The following KIF26B variants were observed in gnomAD, a reference collection of about 807,000 sequenced individuals.
KIF26B encodes kinesin family member 26B, also known as kinesin-like protein KIF26B.
A neutral mutation model predicts 151.2 loss-of-function variants in KIF26B; 63 were observed. The observed-to-expected ratio is 0.42, with a 90% CI of 0.34 to 0.51. The LOEUF is 0.51. Ranked by LOEUF, KIF26B falls within the 20% of genes least tolerant of loss-of-function variation. The pLI is 0.07. For synonymous variants in KIF26B, 1,357 were observed against 1,262.1 expected, an observed-to-expected ratio of 1.08 and a Z score of -1.59; for missense variants, 2,813 against 2,913.6, an observed-to-expected ratio of 0.97 and a Z score of 0.79.
intron 5 of KIF26B, among the ~76,000 whole-genome samples, chr1:245,561,892 A>G (rs1275041266): frequency 6.6e-6 from 1 of 152,220 alleles, no homozygotes; most frequent in Admixed American, 6.5e-5. Context: ...CGTAAATGTC[A>G]GAGGTGGTCC....
At chr1:245,481,918 AC>A (rs1390399443) in intron 4 of KIF26B, among the ~76,000 whole-genome samples, 1 of 151,602 alleles carries the variant, frequency 6.6e-6, no homozygotes, top group African/African-American at 2.4e-5. Flanking sequence ...GCAGCGTCTA[AC>A]CGATAGGGAC....
chr1:245,260,710 G>A (rs1670619612), intron 2 of KIF26B, among the ~76,000 whole-genome samples: 1 of 152,146 alleles, frequency 6.6e-6, no homozygotes, highest in Admixed American at 6.5e-5. Context: ...TGTCATGCTG[G>A]CATCTGTGTC....
intron 5 of KIF26B, among the ~76,000 whole-genome samples, chr1:245,584,125 C>T (rs1418413158): frequency 1.3e-5 from 2 of 152,198 alleles, no homozygotes; most frequent in Non-Finnish European, 2.9e-5. Context: ...GTGCCATCCT[C>T]ATGATAGTGA....
rs369190203 is a variant in KIF26B, at chr1:245,686,046, A to C, written c.3063A>C (p.Ser1021=). ...CCGCCCACAGCCCCAGCCCGGCCTC[A>C]CCCAGGAGCGTCCCGGGCAGCAGTA... is the stretch of plus-strand genomic sequence containing the variant. The part of the protein sequence containing the change: ...AAPAHSPSPA[S]PRSVPGSSSQ... Residue 1021 remains serine, a synonymous_variant, in exon 12 of 15, where the codon TCA becomes TCC. Coordinates refer to ENST00000407071, the MANE Select transcript of KIF26B (RefSeq NM_018012.4). The surrounding 1 kb of genome is among the most constrained non-coding windows in gnomAD (Gnocchi z 5.6). 1 of 1,594,966 alleles carries C rather than the reference A, an allele frequency of 6.3e-7. No individual in the cohort carries two copies. The highest frequency in any genetic ancestry group is 1.7e-4 in the Middle Eastern group (1 of 6,042).
chr1:245,632,116 G>A (rs905008430), intron 9 of KIF26B, among the ~76,000 whole-genome samples: 45 of 151,880 alleles, frequency 3.0e-4, no homozygotes, highest in African/African-American at 8.5e-4. Context: ...TCCTTGAGAT[G>A]CATCATTCGG....
chr1:245,673,436 C>T (rs567015486), intron 10 of KIF26B, among the ~76,000 whole-genome samples: 12 of 151,556 alleles, frequency 7.9e-5, no homozygotes, highest in African/African-American at 7.3e-5. Flanking sequence ...GGCCCAGTCC[C>T]CGCTGCGCGC....
chr1:245,224,007 G>A (rs1289300779), intron 2 of KIF26B, among the ~76,000 whole-genome samples: 2 of 152,106 alleles, frequency 1.3e-5, no homozygotes, highest in African/African-American at 2.4e-5. Flanking sequence ...TATGATGGCC[G>A]GGTGCAGTGG....
At chr1:245,556,081 A>T (rs1411805466) in intron 5 of KIF26B, among the ~76,000 whole-genome samples, 1 of 152,202 alleles carries the variant, frequency 6.6e-6, no homozygotes, top group East Asian at 1.9e-4. Context: ...TGCTGGGGAC[A>T]CTGGCTCCAG....
chr1:245,518,674 G>GA (rs1408363293), intron 4 of KIF26B, among the ~76,000 whole-genome samples: 1 of 152,138 alleles, frequency 6.6e-6, no homozygotes, highest in Non-Finnish European at 1.5e-5. Context: ...ACAATAGTGG[G>GA]AAAAAATACT....
chr1:245,427,731 G>C (rs1658681890), intron 4 of KIF26B, among the ~76,000 whole-genome samples: 1 of 151,972 alleles, frequency 6.6e-6, no homozygotes, highest in African/African-American at 2.4e-5. Context: ...CTTACCCTTA[G>C]TTCCTTGCAC....
At chr1:245,646,670 A>C (rs1386492123) in intron 10 of KIF26B, among the ~76,000 whole-genome samples, 1 of 152,164 alleles carries the variant, frequency 6.6e-6, no homozygotes, top group African/African-American at 2.4e-5. Flanking sequence ...TTAACCAAAA[A>C]AATATAGGAT....
At chr1:245,303,256 T>G (rs11588621) in intron 2 of KIF26B, among the ~76,000 whole-genome samples, 7,338 of 142,774 alleles carry the variant, frequency 0.051, 230 homozygotes, top group Middle Eastern at 0.086. Flanking sequence ...CGGAGTGCAG[T>G]GGCGCGATCT....
chr1:245,332,149 A>G (rs1181489309), intron 2 of KIF26B, among the ~76,000 whole-genome samples: 1 of 152,126 alleles, frequency 6.6e-6, no homozygotes, highest in Admixed American at 6.5e-5. Flanking sequence ...AGCAATAAAA[A>G]ATGAAGTCCT....
chr1:245,400,933 G>A (rs1673985074), intron 3 of KIF26B, among the ~76,000 whole-genome samples: 1 of 152,130 alleles, frequency 6.6e-6, no homozygotes, highest in South Asian at 2.1e-4. Flanking sequence ...AACTCATTCA[G>A]TGTATTTTAG....
chr1:245,494,857 C>T lies in KIF26B; in HGVS notation c.1167-45910C>T, dbSNP rs146903128. Among the ~76,000 whole-genome samples the T allele has an allele frequency of 2.0e-3, 297 of 151,390 alleles. 6 individuals carry two copies. The East Asian group carries it at 0.044, about 22-fold the overall frequency. The stretch of plus-strand genomic sequence containing the variant: ...GAGTCCAAGACCAGCCTAGGCAACA[C>T]GGTGAAACTCTGTCTCTATAAAAAA... On this transcript the variant is annotated intron_variant, in intron 4 of 14. Coordinates refer to ENST00000407071, the MANE Select transcript of KIF26B (RefSeq NM_018012.4).
At chr1:245,259,164 T>G (rs1670589807) in intron 2 of KIF26B, among the ~76,000 whole-genome samples, 1 of 152,184 alleles carries the variant, frequency 6.6e-6, no homozygotes, top group African/African-American at 2.4e-5. Flanking sequence ...AATGGGTGAT[T>G]TCTTAAGGTG....
intron 2 of KIF26B, among the ~76,000 whole-genome samples, chr1:245,346,031 C>T (rs1215028637): frequency 4.7e-5 from 7 of 150,306 alleles, no homozygotes; most frequent in African/African-American, 1.5e-4. Context: ...CCCCTGGGTT[C>T]AAGCGATTCT....
At chr1:245,608,291 T>C (rs1209145538) in intron 7 of KIF26B, among the ~76,000 whole-genome samples, 1 of 152,214 alleles carries the variant, frequency 6.6e-6, no homozygotes, top group African/African-American at 2.4e-5. Context: ...CCCATCTTAC[T>C]TCTGACCTGT....
intron 5 of KIF26B, among the ~76,000 whole-genome samples, chr1:245,600,491 A>T (rs1264893675): frequency 6.6e-6 from 1 of 150,486 alleles, no homozygotes; most frequent in African/African-American, 2.4e-5. Context: ...GCACCATCAC[A>T]CCTGGCTATT....
Sources: gnomAD v4.1 joint callset for allele counts (sites outside exome capture counted in the v4.1 genomes callset) on GRCh38, gnomAD v4.1.1 for gene constraint, Gnocchi (gnomAD v3.1) non-coding constraint, MANE v1.5 for transcripts, NCBI Gene and HGNC (gene_info 2026-07-23, HGNC 2026-07-21) for gene names.